KAZN: variants seen among roughly 807,000 people sequenced by gnomAD.
KAZN encodes the protein kazrin, periplakin interacting protein, also known as kazrin.
A neutral mutation model predicts 87.4 loss-of-function variants in KAZN; 40 were observed. That is an observed-to-expected ratio of 0.46 (90% CI 0.36 to 0.60). The LOEUF is 0.60. Ranked by LOEUF, KAZN falls within the 20% of genes least tolerant of loss-of-function variation. KAZN has a pLI of 0.00. For synonymous variants in KAZN, 466 were observed against 458.3 expected (o/e 1.02, Z -0.22); for missense variants, 898 against 1,073.9 (o/e 0.84, Z 2.29).
At chr1:14,369,518 A>G (rs548849910) in intron 2 of KAZN, among the ~76,000 whole-genome samples, 2 of 152,292 alleles carry the variant, frequency 1.3e-5, no homozygotes, top group African/African-American at 2.4e-5. Flanking sequence ...GAATGGTAAA[A>G]GGGAAGAGGG....
chr1:13,978,387 T>G (rs1638481397), intron 1 of KAZN, among the ~76,000 whole-genome samples: 1 of 151,580 alleles, frequency 6.6e-6, no homozygotes, highest in Non-Finnish European at 1.5e-5. Flanking sequence ...ATTGAAATTT[T>G]CAGACACAGA....
intron 10 of KAZN, 100 bp downstream of exon 10, chr1:15,095,033 G>C (rs2100685795): frequency 1.3e-6 from 1 of 784,446 alleles, no homozygotes; most frequent in Non-Finnish European, 2.1e-6. Context: ...GGCTGAACCA[G>C]GTGGTGGGGG....
rs542203129 is a variant in KAZN, at chr1:14,976,654, G to C, written c.418+15779G>C. ...TCTTGGTTGGTTTGGCTTCTTGGCT[G>C]ACCTGCGACGAGGCCCAACCAGATG... On this transcript the variant is annotated intron_variant, in intron 2 of 14. Coordinates refer to ENST00000376030, the MANE Select transcript of KAZN (RefSeq NM_201628.3). Among the ~76,000 whole-genome samples the C allele has an allele frequency of 1.5e-3, 235 of 152,350 alleles. 1 individual carries two copies. The highest frequency in any genetic ancestry group is 5.5e-3 in the African/African-American group (228 of 41,580).
At chr1:14,102,942 T>C (rs1644291469) in intron 1 of KAZN, among the ~76,000 whole-genome samples, 1 of 150,256 alleles carries the variant, frequency 6.7e-6, no homozygotes, top group African/African-American at 2.5e-5. Flanking sequence ...GGAGTCTTGC[T>C]CTGTCACCCA....
At chr1:14,738,983 G>A (rs148961762) in intron 1 of KAZN, among the ~76,000 whole-genome samples, 1 of 152,070 alleles carries the variant, frequency 6.6e-6, no homozygotes, top group East Asian at 1.9e-4. Context: ...GACCAACCTG[G>A]GCAACCTAGT....
intron 1 of KAZN, among the ~76,000 whole-genome samples, chr1:14,791,316 G>A (rs1340441389): frequency 6.6e-6 from 1 of 152,206 alleles, no homozygotes; most frequent in Non-Finnish European, 1.5e-5. Context: ...GGAGGGCTGA[G>A]TCGCCAACAC....
intron 1 of KAZN, among the ~76,000 whole-genome samples, chr1:14,177,413 CAAGT>C (rs892958449): frequency 3.3e-5 from 5 of 152,180 alleles, no homozygotes; most frequent in Non-Finnish European, 5.9e-5. Flanking sequence ...CCTTCTGCCT[CAAGT>C]AACTTCTTTA....
chr1:13,956,039 T>C (rs1300633643), intron 1 of KAZN, among the ~76,000 whole-genome samples: 1 of 152,218 alleles, frequency 6.6e-6, no homozygotes, highest in Non-Finnish European at 1.5e-5. Flanking sequence ...GAGGATTCTG[T>C]AAAGGCTGCT....
At chr1:14,730,930 C>A (rs1446669165) in intron 1 of KAZN, among the ~76,000 whole-genome samples, 1 of 152,160 alleles carries the variant, frequency 6.6e-6, no homozygotes, top group Non-Finnish European at 1.5e-5. Context: ...CTCTTGGGCA[C>A]AGCAAAGAAC....
chr1:15,040,067 T>C (rs1217960544), intron 3 of KAZN, among the ~76,000 whole-genome samples: 1 of 152,202 alleles, frequency 6.6e-6, no homozygotes, highest in Non-Finnish European at 1.5e-5. Flanking sequence ...ATTTTAGTCA[T>C]TGTTGGGTCC....
At chr1:14,407,856 T>TC (rs1232694675) in intron 2 of KAZN, among the ~76,000 whole-genome samples, 2 of 152,232 alleles carry the variant, frequency 1.3e-5, no homozygotes, top group Non-Finnish European at 2.9e-5. Flanking sequence ...CTTTCAGAGC[T>TC]CCTGGAAAGT....
At chr1:15,054,287 C>T (rs1325174570) in intron 4 of KAZN, among the ~76,000 whole-genome samples, 4 of 152,096 alleles carry the variant, frequency 2.6e-5, no homozygotes, top group African/African-American at 9.7e-5. Context: ...CCATGTTCAC[C>T]CAAAACCTCA....
Position 15,094,720 on chromosome 1 carries a change from TG to T in KAZN, c.1429-91del. ...CACTGTATGAAAGGTGGGCAGGAGATGGGGAAGGAGCCCCATGTCAACAGAC... is the reference window on the plus strand; with the variant it reads ...CACTGTATGAAAGGTGGGCAGGAGATGGGAAGGAGCCCCATGTCAACAGAC... On this transcript the variant is annotated intron_variant, in intron 9 of 14. Transcript: ENST00000376030. The surrounding 1 kb of genome is among the most constrained non-coding windows in gnomAD (Gnocchi z 4.5). 1 of 854,760 alleles carries T rather than the reference TG, an allele frequency of 1.2e-6. No individual in the cohort carries two copies. 52.9% of individuals were successfully genotyped at this position (854,760 alleles called of 1,614,324 possible).
chr1:14,876,059 C>A (rs1303168941), intron 1 of KAZN, among the ~76,000 whole-genome samples: 2 of 152,148 alleles, frequency 1.3e-5, no homozygotes, highest in Admixed American at 1.3e-4. Flanking sequence ...TTGACTGAGG[C>A]AAGGAGGAAG....
At chr1:14,858,203 C>CTTTTTTTTTTTTTTTT (rs1388659468) in intron 1 of KAZN, among the ~76,000 whole-genome samples, 28 of 95,096 alleles carry the variant, frequency 2.9e-4, no homozygotes, top group African/African-American at 1.3e-3. Context: ...TTTCTTTTTT[C>CTTTTTTTTTTTTTTTT]TTTTTCTTTT....
At chr1:14,445,802 G>A (rs1666950562) in intron 2 of KAZN, among the ~76,000 whole-genome samples, 1 of 152,150 alleles carries the variant, frequency 6.6e-6, no homozygotes, top group Non-Finnish European at 1.5e-5. Context: ...GGGAGCCGGG[G>A]TATTCACCTT....
intron 1 of KAZN, among the ~76,000 whole-genome samples, chr1:14,731,431 C>G (rs149365474): frequency 1.0e-3 from 157 of 152,328 alleles, no homozygotes; most frequent in Non-Finnish European, 1.7e-3. Flanking sequence ...ATCCCCGGTT[C>G]TAGAAGCCTT....
chr1:15,094,136 C>A lies in KAZN; in HGVS notation c.1223-44C>A. The A allele has an allele frequency of 1.3e-6, 2 of 1,585,264 alleles. No homozygotes were observed. Among genetic ancestry groups the A allele is most frequent in the Non-Finnish European group, 1.7e-6 (2 of 1,162,396 alleles). On this transcript the variant is annotated intron_variant, in intron 8 of 14. Transcript: ENST00000376030. This position sits in a 1 kb window ranked among gnomAD's most constrained non-coding sequence, Gnocchi z 4.5. ...GTATGGCCTGCCCAGCCCCTGCCCC[C>A]AGCAGCCTCGTCCCCCAGCATGGCC...
At chr1:15,088,774 G>A (rs184653234) in intron 8 of KAZN, among the ~76,000 whole-genome samples, 83 of 152,242 alleles carry the variant, frequency 5.5e-4, no homozygotes, top group Non-Finnish European at 5.3e-4. Flanking sequence ...CCTCAGGGGT[G>A]GGGGAGAAGG....
Sources: gnomAD v4.1 joint callset for allele counts (sites outside exome capture counted in the v4.1 genomes callset) on GRCh38, gnomAD v4.1.1 for gene constraint, Gnocchi (gnomAD v3.1) non-coding constraint, MANE v1.5 for transcripts, NCBI Gene and HGNC (gene_info 2026-07-23, HGNC 2026-07-21) for gene names.